Variants in TNFSF18 observed in about 807,000 individuals in gnomAD.
The protein encoded by TNFSF18 is tumor necrosis factor ligand superfamily member 18.
In TNFSF18, 6 loss-of-function variants were observed where a neutral mutation model predicts 9.6. The observed-to-expected ratio is 0.63, with a 90% CI of 0.34 to 1.24. The LOEUF (loss-of-function observed/expected upper bound fraction) is 1.24, where lower values mean the gene tolerates loss of function less well. TNFSF18 is among the 50% of genes most tolerant of loss of function. The pLI is 0.03. For missense variants in TNFSF18, 210 were observed against 201.0 expected, an observed-to-expected ratio of 1.04 and a Z score of -0.27; for synonymous variants, 68 against 71.7, an observed-to-expected ratio of 0.95 and a Z score of 0.26.
At position 173,041,504 on chromosome 1, in the gene TNFSF18, T is replaced by C; in HGVS notation, c.397A>G (p.Ile133Val). Residue 133 changes from isoleucine (I) to valine (V), a missense_variant, in exon 3 of 3, where the codon ATC becomes GTC. Transcript: ENST00000404377. Reference sequence around the variant, plus strand: ...TCATAAGTCCCTCCTACATTTTGGATTTTAGATTTGTTTGTTAGAGTTTGT... The same window carrying C: ...TCATAAGTCCCTCCTACATTTTGGACTTTAGATTTGTTTGTTAGAGTTTGT... ...MIQTLTNKSK[I>V]QNVGGTYELH... is the part of the protein sequence containing the mutation. The C allele has an allele frequency of 6.2e-7, 1 of 1,613,546 alleles. No homozygotes were observed. Among genetic ancestry groups the C allele is most frequent in the Non-Finnish European group, 8.5e-7 (1 of 1,179,628 alleles).
At chr1:173,045,271 T>A (rs893045139) in intron 1 of TNFSF18, among the ~76,000 whole-genome samples, 3 of 151,892 alleles carry the variant, frequency 2.0e-5, no homozygotes, top group African/African-American at 4.8e-5. Flanking sequence ...GGTCGGAGAA[T>A]GAGAAAGAAC....
At chr1:173,049,686 G>A (rs1162971252) in intron 1 of TNFSF18, among the ~76,000 whole-genome samples, 2 of 152,108 alleles carry the variant, frequency 1.3e-5, no homozygotes, top group African/African-American at 4.8e-5. Flanking sequence ...TTGCTGGTCA[G>A]TTCCCTTAAG....
In TNFSF18 at chr1:173,039,450, C is replaced by T. The variant is rs1041450144; in HGVS notation, c.*1917G>A. 2.0e-5 allele frequency among the ~76,000 whole-genome samples: 3 copies of T among 151,892 alleles called. No homozygotes were observed. Among genetic ancestry groups the T allele is most frequent in the African/African-American group, 4.8e-5 (2 of 41,332 alleles). On this transcript the variant is annotated 3_prime_UTR_variant, in exon 3 of 3. Transcript: ENST00000404377. ...TGCTATGATTATCCCAGGAATGAAG[C>T]GGGGGCAGAGAGGAGTCATTAAGGA... is the stretch of plus-strand genomic sequence containing the variant.
intron 1 of TNFSF18, among the ~76,000 whole-genome samples, chr1:173,044,399 T>C (rs1487112924): frequency 1.3e-5 from 2 of 152,144 alleles, no homozygotes; most frequent in Non-Finnish European, 1.5e-5. Flanking sequence ...AAACAGTAAA[T>C]TAAGCCCTAG....
At position 173,041,501 on chromosome 1, in the gene TNFSF18, G is replaced by C; in HGVS notation, c.400C>G (p.Gln134Glu). ...AATTCATAAGTCCCTCCTACATTTT[G>C]GATTTTAGATTTGTTTGTTAGAGTT... ...IQTLTNKSKI[Q>E]NVGGTYELHV... The change falls in exon 3 of 3, where the codon CAA becomes GAA. Residue 134 changes from glutamine to glutamate, a missense_variant. Physicochemically the swap from Gln to Glu is conservative, Grantham distance 29 (BLOSUM62 2). Transcript: ENST00000404377. The C allele has an allele frequency of 6.2e-7, 1 of 1,613,468 alleles. No individual in the cohort carries two copies. The highest frequency in any genetic ancestry group is 8.5e-7 in the Non-Finnish European group (1 of 1,179,606).
intron 1 of TNFSF18, among the ~76,000 whole-genome samples, chr1:173,047,613 T>C (rs1208109704): frequency 6.6e-6 from 1 of 152,172 alleles, no homozygotes; most frequent in Non-Finnish European, 1.5e-5. Context: ...GGTAACAATC[T>C]AAATATGAAT....
In TNFSF18 at chr1:173,039,448, A is replaced by G. The variant is rs1664956121; in HGVS notation, c.*1919T>C. Among the ~76,000 whole-genome samples the G allele has an allele frequency of 6.6e-6, 1 of 152,004 alleles. No individual in the cohort carries two copies. The highest frequency in any genetic ancestry group is 2.4e-5 in the African/African-American group (1 of 41,390). On this transcript the variant is annotated 3_prime_UTR_variant, in exon 3 of 3. Transcript: ENST00000404377. ...TCTGCTATGATTATCCCAGGAATGAAGCGGGGGCAGAGAGGAGTCATTAAG... is the reference window on the plus strand; with the variant it reads ...TCTGCTATGATTATCCCAGGAATGAGGCGGGGGCAGAGAGGAGTCATTAAG...
At chr1:173,050,598 T>G in intron 1 of TNFSF18, 143 bp downstream of exon 1, 1 of 637,302 alleles carries the variant, frequency 1.6e-6, no homozygotes, top group East Asian at 2.8e-5. Context: ...CATGACAATA[T>G]TAGAATTGTA....
chr1:173,046,873 G>GTTT (rs869068788), intron 1 of TNFSF18, among the ~76,000 whole-genome samples: 5 of 137,842 alleles, frequency 3.6e-5, no homozygotes, highest in African/African-American at 9.9e-5. Flanking sequence ...CCCTACACTT[G>GTTT]TTTTTTTTTG....
At chr1:173,044,033 A>G in intron 1 of TNFSF18, 64 bp from the exon 2 acceptor site, 3 of 1,444,722 alleles carry the variant, frequency 2.1e-6, no homozygotes, top group Non-Finnish European at 1.9e-6. Flanking sequence ...TTTTTGATTG[A>G]TTTATTTAGA....
chr1:173,046,363 T>A (rs1440859418), intron 1 of TNFSF18, among the ~76,000 whole-genome samples: 1 of 152,140 alleles, frequency 6.6e-6, no homozygotes, highest in East Asian at 1.9e-4. Context: ...AATGATGGAT[T>A]GAAAATTAAG....
chr1:173,050,940 A>C lies in TNFSF18; in HGVS notation c.-44T>G. 2 of 1,613,580 alleles carry C rather than the reference A, an allele frequency of 1.2e-6. No individual in the cohort carries two copies. Among genetic ancestry groups the C allele is most frequent in the Non-Finnish European group, 1.7e-6 (2 of 1,179,714 alleles). On this transcript the variant is annotated 5_prime_UTR_variant, in exon 1 of 3. Coordinates refer to ENST00000404377, the MANE Select transcript of TNFSF18 (RefSeq NM_005092.4). Reference sequence around the variant, plus strand: ...TGTGGAAAACAAAAATTCACAAGTGATGGGTGAAGGATGCAATGTCATGTT... The same window carrying C: ...TGTGGAAAACAAAAATTCACAAGTGCTGGGTGAAGGATGCAATGTCATGTT...
In TNFSF18 at chr1:173,045,633, T is replaced by TTG. The variant is rs1557845464; in HGVS notation, c.157-1665_157-1664insCA. Reference sequence around the variant, plus strand: ...TGAGGATGAGAGATCAAAGAGGTTTTTTGTTGTTGTTGTTGTTGTTGTTGT... The same window carrying TTG: ...TGAGGATGAGAGATCAAAGAGGTTTTTGTTGTTGTTGTTGTTGTTGTTGTTGT... On this transcript the variant is annotated intron_variant, in intron 1 of 2. Coordinates refer to ENST00000404377, the MANE Select transcript of TNFSF18 (RefSeq NM_005092.4). Among the ~76,000 whole-genome samples, 559 of 151,236 alleles carry TTG rather than the reference T, an allele frequency of 3.7e-3. 6 individuals are homozygous for TTG. Among genetic ancestry groups the TTG allele is most frequent in the Admixed American group, 7.1e-3 (108 of 15,144 alleles).
rs767964473 is a variant in TNFSF18 at position 173,041,681 on chromosome 1, A to C, written c.220T>G (p.Ser74Ala). 1 of 1,607,820 alleles carries C rather than the reference A, an allele frequency of 6.2e-7. No individual in the cohort carries two copies. Among genetic ancestry groups the C allele is most frequent in the East Asian group, 2.2e-5 (1 of 44,798 alleles). Residue 74 changes from serine (S) to alanine (A), a missense_variant, in exon 3 of 3, where the codon TCT becomes GCT. By Grantham distance (99) the Ser-to-Ala change is moderately conservative. Transcript: ENST00000404377. ...ACCTTATTCACGCAAGGAGGTTCAG[A>C]AGATGCCATTTGCCATTTTGAGGGT... ...PLPSKWQMAS[S>A]EPPCVNKVSD...
intron 1 of TNFSF18, among the ~76,000 whole-genome samples, chr1:173,045,645 GTT>G (rs1665069660): frequency 6.6e-6 from 1 of 152,036 alleles, no homozygotes; most frequent in South Asian, 2.1e-4. Flanking sequence ...TGTTGTTGTT[GTT>G]GTTGTTGTTG....
chr1:173,042,007 A>T (rs758798031), intron 2 of TNFSF18, among the ~76,000 whole-genome samples: 83 of 152,316 alleles, frequency 5.4e-4, no homozygotes, highest in Non-Finnish European at 9.1e-4. Context: ...TATTTGTGGG[A>T]AAAAGAAAGG....
chr1:173,047,160 TGCTGGGATTATA>T (rs1411654322), intron 1 of TNFSF18, among the ~76,000 whole-genome samples: 3 of 152,184 alleles, frequency 2.0e-5, no homozygotes, highest in Admixed American at 6.5e-5. Flanking sequence ...CCTCCCAAAG[TGCTGGGATTATA>T]GGCGTGAGCC....
rs1665159069 is a variant in TNFSF18 at position 173,050,882 on chromosome 1, G to A, written c.15C>T (p.His5=). ...AATGGCTTAAAGGCATATTTTCCAA[G>A]TGGCTCAAACACATTTTTGGAGAAA... MCLS[H]LENMPLSHSR... is the part of the protein sequence containing the mutation. Residue 5 remains histidine, a synonymous_variant, in exon 1 of 3, where the codon CAC becomes CAT. Coordinates refer to ENST00000404377, the MANE Select transcript of TNFSF18 (RefSeq NM_005092.4). The A allele has an allele frequency of 1.2e-6, 2 of 1,613,886 alleles. No homozygotes were observed. Among genetic ancestry groups the A allele is most frequent in the African/African-American group, 2.7e-5 (2 of 75,056 alleles).
At chr1:173,042,340 A>G (rs1477793052) in intron 2 of TNFSF18, among the ~76,000 whole-genome samples, 3 of 151,988 alleles carry the variant, frequency 2.0e-5, no homozygotes. Flanking sequence ...TCATTCTTGT[A>G]TTTTCAGCAC....
Sources: allele counts gnomAD v4.1 joint callset (sites outside exome capture counted in the v4.1 genomes callset), GRCh38; gene constraint gnomAD v4.1.1; transcripts MANE v1.5; gene names NCBI Gene and HGNC (gene_info 2026-07-23, HGNC 2026-07-21).